The following GLRA2 variants were observed in gnomAD, a reference collection of about 807,000 sequenced individuals.
GLRA2 encodes the protein glycine receptor subunit alpha-2.
A neutral mutation model predicts 31.6 loss-of-function variants in GLRA2; 11 were observed. The ratio of observed to expected loss-of-function variants is 0.35; its 90% CI spans 0.22 to 0.58. The LOEUF (loss-of-function observed/expected upper bound fraction) is 0.58, where lower values mean the gene tolerates loss of function less well. Ranked by LOEUF, GLRA2 falls within the 20% of genes least tolerant of loss-of-function variation. GLRA2 has a pLI of 0.84. For missense variants in GLRA2, 212 were observed against 351.8 expected (o/e 0.60, Z 3.18); for synonymous variants, 132 against 134.0 (o/e 0.99, Z 0.10).
At chrX:14,654,553 G>A (rs2090922006) in intron 7 of GLRA2, among the ~76,000 whole-genome samples, 1 of 111,640 alleles carries the variant, frequency 9.0e-6, no homozygotes, top group African/African-American at 3.3e-5. Flanking sequence ...ATATTTCTGA[G>A]GTATGCCTGT....
chrX:14,715,420 A>G (rs1181229089), intron 8 of GLRA2, among the ~76,000 whole-genome samples: 1 of 112,250 alleles, frequency 8.9e-6, no homozygotes, highest in East Asian at 2.8e-4. Flanking sequence ...TATGCATTCA[A>G]TGTAGGAAGA....
the GLRA2 span, among the ~76,000 whole-genome samples, chrX:14,500,800 A>T: frequency 9.0e-6 from 1 of 111,143 alleles, no homozygotes; most frequent in Admixed American, 9.5e-5. Context: ...TAATTATTAG[A>T]CATTGTTGGT....
At position 14,708,661 on chromosome X, in the gene GLRA2, G is replaced by T. The variant is rs186726808; in HGVS notation, c.1080+17802G>T. 4.7e-3 allele frequency among the ~76,000 whole-genome samples: 521 copies of T among 111,914 alleles called. 3 individuals carry two copies. Among genetic ancestry groups the T allele is most frequent in the Non-Finnish European group, 8.3e-3 (442 of 53,147 alleles). On this transcript the variant is annotated intron_variant, in intron 8 of 8. Transcript: ENST00000218075. The stretch of plus-strand genomic sequence containing the variant: ...GGAGAAAAGAGAGACATCAGGCCAG[G>T]CGCGGTGGCTCACGTCTGTAATCCC...
chrX:14,498,865 T>C, the GLRA2 span, among the ~76,000 whole-genome samples: 1 of 111,784 alleles, frequency 8.9e-6, no homozygotes, highest in Non-Finnish European at 1.9e-5. Context: ...ATATGTGATA[T>C]TTGTCTTTCT....
At chrX:14,678,771 A>G (rs987898234) in intron 7 of GLRA2, among the ~76,000 whole-genome samples, 13 of 111,664 alleles carry the variant, frequency 1.2e-4, no homozygotes, top group Non-Finnish European at 1.9e-4. Flanking sequence ...ATCCACTCCT[A>G]TAGCTTTCTT....
At chrX:14,547,419 A>G (rs1372903534) in intron 2 of GLRA2, among the ~76,000 whole-genome samples, 1 of 111,362 alleles carries the variant, frequency 9.0e-6, no homozygotes, top group Admixed American at 9.6e-5. Context: ...ATGTCTCACA[A>G]AGATCTCTGT....
intron 4 of GLRA2, among the ~76,000 whole-genome samples, chrX:14,592,605 G>A (rs1191754001): frequency 1.8e-5 from 2 of 111,257 alleles, no homozygotes; most frequent in Non-Finnish European, 3.8e-5. Context: ...CCAGGAAGTC[G>A]AGGCTGTAGT....
chrX:14,687,210 G>A (rs780782074), intron 7 of GLRA2, among the ~76,000 whole-genome samples: 1 of 111,975 alleles, frequency 8.9e-6, no homozygotes, highest in Non-Finnish European at 1.9e-5. Context: ...TGGGTAACCC[G>A]ACCTTTCTCT....
chrX:14,544,464 G>A (rs1289204757), intron 2 of GLRA2, among the ~76,000 whole-genome samples: 3 of 111,367 alleles, frequency 2.7e-5, no homozygotes, highest in African/African-American at 9.8e-5. Context: ...TTGTAGTTGT[G>A]CAATTTCCAC....
At chrX:14,680,873 T>A (rs2091194333) in intron 7 of GLRA2, among the ~76,000 whole-genome samples, 1 of 111,822 alleles carries the variant, frequency 8.9e-6, no homozygotes, top group Non-Finnish European at 1.9e-5. Flanking sequence ...AATTACTGAA[T>A]GCTGTAAACA....
chrX:14,517,529 C>T, the GLRA2 span, among the ~76,000 whole-genome samples: 1 of 111,330 alleles, frequency 9.0e-6, no homozygotes, highest in Non-Finnish European at 1.9e-5. Flanking sequence ...GGGGAAAGCC[C>T]CCTATAAAAC....
chrX:14,680,012 T>C (rs1386478484), intron 7 of GLRA2, among the ~76,000 whole-genome samples: 1 of 112,241 alleles, frequency 8.9e-6, no homozygotes, highest in Non-Finnish European at 1.9e-5. Context: ...ATTTTAGGCT[T>C]TGTGGCCATT....
At position 14,690,702 on chromosome X, in the gene GLRA2, T is replaced by C. The variant is rs1318487807; in HGVS notation, c.931-8T>C. ...CTGTGTGTGTGTGTGTCTCTCTCTC[T>C]CTCTCAGGTCTCCTATGTAAAAGCG... On this transcript the variant is annotated splice_region_variant and splice_polypyrimidine_tract_variant and intron_variant, in intron 7 of 8. Coordinates refer to ENST00000218075, the MANE Select transcript of GLRA2 (RefSeq NM_002063.4). 3 of 1,139,830 alleles carry C rather than the reference T, an allele frequency of 2.6e-6. No individual in the cohort carries two copies. In the African/African-American group the frequency reaches 5.4e-5, roughly 20 times the overall value. The allele number at this position is 1,139,830 out of a possible 1,213,427, so 93.9% of individuals were successfully genotyped here.
intron 7 of GLRA2, among the ~76,000 whole-genome samples, chrX:14,632,520 T>C (rs2090663056): frequency 8.9e-6 from 1 of 111,862 alleles, no homozygotes; most frequent in Non-Finnish European, 1.9e-5. Context: ...GAATTAATAA[T>C]TGGTATGTAC....
chrX:14,590,271 C>T (rs908150436), intron 4 of GLRA2, among the ~76,000 whole-genome samples: 3 of 110,973 alleles, frequency 2.7e-5, no homozygotes, highest in Non-Finnish European at 5.7e-5. Flanking sequence ...GGGATTGACA[C>T]GCTTTTCCCT....
intron 7 of GLRA2, among the ~76,000 whole-genome samples, chrX:14,644,475 T>C (rs978429086): frequency 1.9e-4 from 21 of 111,843 alleles, no homozygotes; most frequent in Non-Finnish European, 3.0e-4. Context: ...AATATTATAA[T>C]AGATATATTC....
chrX:14,588,907 T>G (rs936613211), intron 4 of GLRA2, among the ~76,000 whole-genome samples: 5 of 112,197 alleles, frequency 4.5e-5, no homozygotes, highest in Non-Finnish European at 5.6e-5. Flanking sequence ...GAAATGCTAC[T>G]GATTTTTGTA....
At chrX:14,608,858 G>C in intron 6 of GLRA2, 133 bp from the exon 7 acceptor site, 2 of 448,465 alleles carry the variant, frequency 4.5e-6, no homozygotes, top group Middle Eastern at 6.2e-4. Context: ...GGTTACGTAG[G>C]GTGAACATTT....
chrX:14,583,476 C>T lies in GLRA2; in HGVS notation c.494+2070C>T, dbSNP rs776430589. On this transcript the variant is annotated intron_variant, in intron 4 of 8. Coordinates refer to ENST00000218075, the MANE Select transcript of GLRA2 (RefSeq NM_002063.4). ...TGTGGCGGCTGGGCGCCGTGGGTCACGCCTGTAATCCCAGCACTTTGGGAG... is the reference window on the plus strand; with the variant it reads ...TGTGGCGGCTGGGCGCCGTGGGTCATGCCTGTAATCCCAGCACTTTGGGAG... 2.7e-5 allele frequency among the ~76,000 whole-genome samples: 3 copies of T among 112,560 alleles called. No individual in the cohort carries two copies. In the South Asian group the frequency reaches 1.1e-3, roughly 41 times the overall value.
Sources: gnomAD v4.1 joint callset for allele counts (sites outside exome capture counted in the v4.1 genomes callset) on GRCh38, gnomAD v4.1.1 for gene constraint, MANE v1.5 for transcripts, NCBI Gene and HGNC (gene_info 2026-07-23, HGNC 2026-07-21) for gene names.